The following EYS variants were observed in gnomAD, a reference collection of about 807,000 sequenced individuals.
EYS encodes protein eyes shut homolog.
EYS carries 250 observed loss-of-function variants against 282.1 expected under a neutral mutation model. That is an observed-to-expected ratio of 0.89 (90% CI 0.80 to 0.98). The LOEUF is 0.98. Ranked by LOEUF, EYS falls within the 50% of genes least tolerant of loss-of-function variation. EYS has a pLI of 0.00. For synonymous variants in EYS, 1,355 were observed against 1,282.9 expected, an observed-to-expected ratio of 1.06 and a Z score of -1.20; for missense variants, 4,016 against 3,709.0, an observed-to-expected ratio of 1.08 and a Z score of -2.15.
intron 14 of EYS, among the ~76,000 whole-genome samples, 174 bp downstream of exon 14, chr6:64,997,408 C>T (rs1771302503): frequency 6.6e-6 from 1 of 150,608 alleles, no homozygotes; most frequent in South Asian, 2.1e-4. Context: ...TGTTTTACTA[C>T]CTTTAAGTTA....
chr6:64,958,866 A>G (rs866063446), intron 14 of EYS, among the ~76,000 whole-genome samples: 1 of 152,046 alleles, frequency 6.6e-6, no homozygotes, highest in African/African-American at 2.4e-5. Flanking sequence ...GGTAAGAGGA[A>G]TTCTGGAAAC....
At chr6:63,870,625 AGGT>A (rs911478830) in intron 35 of EYS, among the ~76,000 whole-genome samples, 2 of 152,120 alleles carry the variant, frequency 1.3e-5, no homozygotes, top group African/African-American at 4.8e-5. Flanking sequence ...AGAAATTTAG[AGGT>A]GTTCTTGCTT....
At chr6:64,807,357 G>A (rs1393347799) in intron 22 of EYS, among the ~76,000 whole-genome samples, 6 of 152,046 alleles carry the variant, frequency 3.9e-5, no homozygotes, top group African/African-American at 1.4e-4. Flanking sequence ...GACTGACAGA[G>A]TACAAACCTC....
At chr6:64,394,767 C>G (rs911008736) in intron 28 of EYS, among the ~76,000 whole-genome samples, 1 of 151,988 alleles carries the variant, frequency 6.6e-6, no homozygotes, top group African/African-American at 2.4e-5. Context: ...CAACAAAAGA[C>G]AAAATTGACA....
intron 12 of EYS, among the ~76,000 whole-genome samples, chr6:65,287,655 T>C (rs1468059035): frequency 6.6e-6 from 1 of 151,412 alleles, no homozygotes; most frequent in African/African-American, 2.4e-5. Context: ...AAACAAAACG[T>C]GTTGTACTAA....
At chr6:64,052,198 T>C (rs904971987) in intron 33 of EYS, among the ~76,000 whole-genome samples, 3 of 152,166 alleles carry the variant, frequency 2.0e-5, no homozygotes, top group Non-Finnish European at 2.9e-5. Context: ...GTGGATCAGT[T>C]AGAGTCATCA....
At chr6:64,443,630 G>A (rs1002994897) in intron 26 of EYS, among the ~76,000 whole-genome samples, 1 of 152,140 alleles carries the variant, frequency 6.6e-6, no homozygotes, top group Non-Finnish European at 1.5e-5. Context: ...TTCCTGTGCT[G>A]TTCTTGTGAT....
chr6:64,112,941 C>T (rs1773256264), intron 31 of EYS, among the ~76,000 whole-genome samples: 1 of 151,772 alleles, frequency 6.6e-6, no homozygotes, highest in Non-Finnish European at 1.5e-5. Flanking sequence ...TCAGGAGACA[C>T]TGCACTGGCA....
intron 6 of EYS, among the ~76,000 whole-genome samples, chr6:65,403,352 T>A (rs1172967816): frequency 6.6e-6 from 1 of 152,026 alleles, no homozygotes; most frequent in Non-Finnish European, 1.5e-5. Context: ...TCATCATATT[T>A]CTTCCTCTTG....
intron 28 of EYS, among the ~76,000 whole-genome samples, chr6:64,403,739 T>C (rs1432504336): frequency 1.3e-5 from 2 of 152,176 alleles, no homozygotes; most frequent in Admixed American, 6.5e-5. Context: ...GGTCATGTTG[T>C]GAACACCTCC....
intron 2 of EYS, among the ~76,000 whole-genome samples, chr6:65,637,384 A>T (rs1014116793): frequency 6.6e-6 from 1 of 152,228 alleles, no homozygotes; most frequent in Non-Finnish European, 1.5e-5. Flanking sequence ...AGTGACGACC[A>T]GTGTGGAGCA....
chr6:65,536,166 T>A (rs1429065257), intron 2 of EYS, among the ~76,000 whole-genome samples: 1 of 151,992 alleles, frequency 6.6e-6, no homozygotes, highest in Non-Finnish European at 1.5e-5. Context: ...CATACGACTA[T>A]AGAAGACAAG....
At chr6:64,156,225 G>C (rs1774917627) in intron 31 of EYS, among the ~76,000 whole-genome samples, 1 of 152,028 alleles carries the variant, frequency 6.6e-6, no homozygotes, top group African/African-American at 2.4e-5. Flanking sequence ...TCTCATGGTA[G>C]TGAATAAGTC....
intron 22 of EYS, among the ~76,000 whole-genome samples, chr6:64,720,038 T>C (rs1771524139): frequency 6.6e-6 from 1 of 152,182 alleles, no homozygotes; most frequent in Non-Finnish European, 1.5e-5. Context: ...TACAAATGTA[T>C]TGTCTCCCAG....
At chr6:65,511,445 CCTT>C (rs765305144) in intron 2 of EYS, among the ~76,000 whole-genome samples, 2 of 151,850 alleles carry the variant, frequency 1.3e-5, no homozygotes, top group African/African-American at 2.4e-5. Flanking sequence ...AACAACCTAA[CCTT>C]CTCTTTGCTT....
At chr6:65,040,403 C>T (rs1448774964) in intron 13 of EYS, among the ~76,000 whole-genome samples, 1 of 151,736 alleles carries the variant, frequency 6.6e-6, no homozygotes, top group Admixed American at 6.6e-5. Context: ...ATGGAGGTCT[C>T]CCTGTGTGTC....
intron 26 of EYS, among the ~76,000 whole-genome samples, chr6:64,468,862 C>T (rs1474970509): frequency 1.3e-5 from 2 of 152,066 alleles, no homozygotes; most frequent in African/African-American, 2.4e-5. Flanking sequence ...TGTAGTATTC[C>T]GTGGTGTATA....
chr6:64,392,071 G>A (rs987827613), intron 28 of EYS, among the ~76,000 whole-genome samples: 14 of 152,048 alleles, frequency 9.2e-5, no homozygotes, highest in South Asian at 2.1e-4. Context: ...AACAAGAAGA[G>A]CTAACTATCC....
chr6:65,562,092 A>T (rs957754347), intron 2 of EYS, among the ~76,000 whole-genome samples: 7 of 151,832 alleles, frequency 4.6e-5, no homozygotes, highest in Non-Finnish European at 1.0e-4. Context: ...CCATATACAC[A>T]TATAGCATGC....
Sources: gnomAD v4.1 joint callset for allele counts (sites outside exome capture counted in the v4.1 genomes callset) on GRCh38, gnomAD v4.1.1 for gene constraint, MANE v1.5 for transcripts, NCBI Gene and HGNC (gene_info 2026-07-23, HGNC 2026-07-21) for gene names.